Variants in MAF observed in about 807,000 individuals in gnomAD.
MAF encodes transcription factor Maf.
A neutral mutation model predicts 22.0 loss-of-function variants in MAF; 10 were observed. The observed-to-expected ratio is 0.45, with a 90% CI of 0.28 to 0.77. The LOEUF is 0.77. Among genes scored for constraint, MAF ranks in the 30% least tolerant of loss-of-function variants. The pLI, the probability that MAF is intolerant of heterozygous loss-of-function variation, is 0.12. For missense variants in MAF, 544 were observed against 548.4 expected, an observed-to-expected ratio of 0.99 and a Z score of 0.08; for synonymous variants, 337 against 255.8, an observed-to-expected ratio of 1.32 and a Z score of -3.03.
the MAF span, among the ~76,000 whole-genome samples, chr16:79,394,482 G>A: frequency 6.6e-6 from 1 of 152,110 alleles, no homozygotes; most frequent in Admixed American, 6.5e-5. Flanking sequence ...ACTGCATTTT[G>A]ATTACTTGTT....
At chr16:79,282,295 C>T in the MAF span, among the ~76,000 whole-genome samples, 81 of 152,212 alleles carry the variant, frequency 5.3e-4, no homozygotes, top group Admixed American at 1.6e-3. Flanking sequence ...AAGGAAGCCA[C>T]CCCAAGTTCC....
At chr16:79,275,693 A>G in the MAF span, among the ~76,000 whole-genome samples, 1 of 152,226 alleles carries the variant, frequency 6.6e-6, no homozygotes, top group Non-Finnish European at 1.5e-5. Flanking sequence ...TTTGGAAAAT[A>G]TGGTCAATGA....
chr16:79,437,613 G>A, the MAF span, among the ~76,000 whole-genome samples: 2 of 151,984 alleles, frequency 1.3e-5, no homozygotes, highest in African/African-American at 4.8e-5. Flanking sequence ...TTTTACAGCT[G>A]AGGAAAGGAC....
At chr16:79,363,104 C>A in the MAF span, among the ~76,000 whole-genome samples, 37 of 148,890 alleles carry the variant, frequency 2.5e-4, no homozygotes, top group East Asian at 7.2e-3. Context: ...AGAAGAGGGG[C>A]AAATCTGTTT....
the MAF span, among the ~76,000 whole-genome samples, chr16:79,515,548 A>G: frequency 6.6e-6 from 1 of 152,256 alleles, no homozygotes; most frequent in African/African-American, 2.4e-5. Context: ...AGGCTAGGCT[A>G]GGATGCTAGG....
chr16:79,261,073 A>C, the MAF span, among the ~76,000 whole-genome samples: 7 of 151,888 alleles, frequency 4.6e-5, no homozygotes, highest in African/African-American at 1.7e-4. Context: ...CAGTGGGGTG[A>C]AAGGAGCTGG....
the MAF span, among the ~76,000 whole-genome samples, chr16:79,269,867 G>T: frequency 6.6e-6 from 1 of 152,082 alleles, no homozygotes; most frequent in Admixed American, 6.6e-5. Flanking sequence ...GAGAGGTTTG[G>T]CCTTAGCTCC....
the MAF span, among the ~76,000 whole-genome samples, chr16:79,461,782 G>A: frequency 6.6e-5 from 10 of 152,140 alleles, no homozygotes; most frequent in Non-Finnish European, 1.3e-4. Flanking sequence ...CAGGAAAATG[G>A]AGAGGATCCC....
the MAF span, among the ~76,000 whole-genome samples, chr16:79,293,929 C>G: frequency 6.6e-6 from 1 of 152,036 alleles, no homozygotes; most frequent in Non-Finnish European, 1.5e-5. Context: ...CAATTTCAGT[C>G]CCATGTACTC....
the MAF span, among the ~76,000 whole-genome samples, chr16:79,364,638 C>G: frequency 2.6e-5 from 4 of 152,296 alleles, no homozygotes; most frequent in African/African-American, 7.2e-5. Context: ...CCCAATTGAA[C>G]AGTTTCGTGG....
At chr16:79,215,357 C>T in the MAF span, among the ~76,000 whole-genome samples, 3 of 152,172 alleles carry the variant, frequency 2.0e-5, no homozygotes, top group Non-Finnish European at 4.4e-5. Context: ...TGTGCCTGGC[C>T]ATGGATGCAC....
the MAF span, among the ~76,000 whole-genome samples, chr16:79,280,887 T>C: frequency 6.6e-6 from 1 of 152,192 alleles, no homozygotes; most frequent in Non-Finnish European, 1.5e-5. Context: ...GAGTATGAAT[T>C]GACTCTGAAG....
At chr16:79,220,939 T>A in the MAF span, among the ~76,000 whole-genome samples, 74 of 152,158 alleles carry the variant, frequency 4.9e-4, no homozygotes, top group Admixed American at 3.3e-4. Context: ...AGTTCCTGGG[T>A]ATGCAACTCT....
At chr16:79,439,271 T>C in the MAF span, among the ~76,000 whole-genome samples, 4 of 148,750 alleles carry the variant, frequency 2.7e-5, no homozygotes, top group African/African-American at 7.5e-5. Flanking sequence ...TTTTTTTTTT[T>C]TTTTTTTTGA....
At chr16:79,257,474 T>G in the MAF span, among the ~76,000 whole-genome samples, 1 of 152,150 alleles carries the variant, frequency 6.6e-6, no homozygotes, top group Non-Finnish European at 1.5e-5. Context: ...GAAAAGGCCA[T>G]AATGTCTACC....
At chr16:79,333,127 T>C in the MAF span, among the ~76,000 whole-genome samples, 1 of 152,160 alleles carries the variant, frequency 6.6e-6, no homozygotes, top group Non-Finnish European at 1.5e-5. Context: ...ATGGTGGTCC[T>C]GGCTCTGGAT....
the MAF span, among the ~76,000 whole-genome samples, chr16:79,463,687 T>A: frequency 6.6e-6 from 1 of 152,206 alleles, no homozygotes; most frequent in Admixed American, 6.5e-5. Flanking sequence ...TAGGTTGGCA[T>A]TGGACGTGTA....
chr16:79,216,537 C>G, the MAF span, among the ~76,000 whole-genome samples: 1 of 152,114 alleles, frequency 6.6e-6, no homozygotes, highest in East Asian at 1.9e-4. Flanking sequence ...AGACATTCAA[C>G]CCTCTAATAA....
At chr16:79,221,096 T>G in the MAF span, among the ~76,000 whole-genome samples, 4 of 152,372 alleles carry the variant, frequency 2.6e-5, no homozygotes, top group African/African-American at 9.6e-5. Context: ...ATTGTTCTGC[T>G]GCTTCAGAAC....
Sources: allele counts gnomAD v4.1 joint callset (sites outside exome capture counted in the v4.1 genomes callset), GRCh38; gene constraint gnomAD v4.1.1; transcripts MANE v1.5; gene names NCBI Gene and HGNC (gene_info 2026-07-23, HGNC 2026-07-21).